Variants in HIVEP1 observed in about 807,000 individuals in gnomAD.
The protein encoded by HIVEP1 is HIVEP zinc finger 1.
A neutral mutation model predicts 180.0 loss-of-function variants in HIVEP1; 36 were observed. The observed-to-expected ratio is 0.20, with a 90% CI of 0.15 to 0.26. The LOEUF (loss-of-function observed/expected upper bound fraction) is 0.26. Ranked by LOEUF, HIVEP1 falls within the 10% of genes least tolerant of loss-of-function variation. The probability of loss-of-function intolerance (pLI) is 1.00; values close to 1 mark genes in which losing one functional copy is unlikely to be tolerated. For missense variants in HIVEP1, 3,143 were observed against 3,268.7 expected, an observed-to-expected ratio of 0.96 and a Z score of 0.94; for synonymous variants, 1,239 against 1,239.0, an observed-to-expected ratio of 1.00 and a Z score of 0.00.
intron 2 of HIVEP1, among the ~76,000 whole-genome samples, chr6:12,088,119 C>T (rs1581658127): frequency 6.6e-6 from 1 of 152,076 alleles, no homozygotes; most frequent in Non-Finnish European, 1.5e-5. Context: ...GCAGGTAGAT[C>T]AGAGTTTGAA....
chr6:12,181,820 C>T, the HIVEP1 span, among the ~76,000 whole-genome samples: 7 of 152,144 alleles, frequency 4.6e-5, no homozygotes, highest in Non-Finnish European at 8.8e-5. Context: ...GTTCTTCTTA[C>T]ATCATAAAAC....
At chr6:12,061,612 G>T (rs1276262940) in intron 2 of HIVEP1, among the ~76,000 whole-genome samples, 81 of 152,234 alleles carry the variant, frequency 5.3e-4, no homozygotes, top group African/African-American at 1.9e-3. Context: ...TGAGAATTTT[G>T]ATCATTGTTA....
chr6:12,127,462 T>C (rs1758157146), intron 4 of HIVEP1, among the ~76,000 whole-genome samples: 1 of 152,222 alleles, frequency 6.6e-6, no homozygotes, highest in Non-Finnish European at 1.5e-5. Context: ...CTGAAGTGTT[T>C]GTGGAGAAGA....
chr6:12,148,847 G>A (rs1237424105), intron 7 of HIVEP1, among the ~76,000 whole-genome samples: 1 of 152,130 alleles, frequency 6.6e-6, no homozygotes, highest in Non-Finnish European at 1.5e-5. Context: ...TATGAAAACT[G>A]AAAATCCAAA....
At chr6:12,180,089 A>T in the HIVEP1 span, among the ~76,000 whole-genome samples, 24 of 151,166 alleles carry the variant, frequency 1.6e-4, no homozygotes, top group African/African-American at 5.8e-4. Context: ...ACTGTGTGCT[A>T]GGTATCCTGC....
At chr6:12,171,859 T>C in the HIVEP1 span, among the ~76,000 whole-genome samples, 28 of 152,302 alleles carry the variant, frequency 1.8e-4, no homozygotes, top group Non-Finnish European at 1.9e-4. Flanking sequence ...TTAAACATTC[T>C]AGTATGATTC....
In HIVEP1 at chr6:12,121,196, A is replaced by C; in HGVS notation, c.1401A>C (p.Gln467His). The C allele has an allele frequency of 6.2e-7, 1 of 1,614,134 alleles. No individual in the cohort carries two copies. Among genetic ancestry groups the C allele is most frequent in the Non-Finnish European group, 8.5e-7 (1 of 1,180,020 alleles). Residue 467 changes from glutamine to histidine, a missense_variant, in exon 4 of 9, where the codon CAA (glutamine) becomes CAC (histidine). Physicochemically the swap from Gln to His is conservative, Grantham distance 24. This residue lies in a region of HIVEP1 where 365 missense variants were observed against 344.4 expected (regional missense o/e 1.06). Transcript: ENST00000379388. This position sits in a 1 kb window ranked among gnomAD's most constrained non-coding sequence, Gnocchi z 5.3. ...AHTIKLGLVLQPDAGGLFLSH... is the reference protein window; with the variant it reads ...AHTIKLGLVLHPDAGGLFLSH... The stretch of plus-strand genomic sequence containing the variant: ...CTATCAAACTGGGTCTTGTCTTGCA[A>C]CCAGATGCTGGTGGCTTGTTCTTGT...
rs748946958 is a variant in HIVEP1 at position 12,163,774 on chromosome 6, G to T, written c.7470G>T (p.Ser2490=). The T allele has an allele frequency of 6.2e-7, 1 of 1,614,064 alleles. No individual in the cohort carries two copies. Among genetic ancestry groups the T allele is most frequent in the Non-Finnish European group, 8.5e-7 (1 of 1,180,026 alleles). Residue 2490 remains serine, a synonymous_variant, in exon 9 of 9, where the codon TCG becomes TCT. Transcript: ENST00000379388. ...CCCCAGGCTTGCAGTCACTCCCCTC[G>T]TTAAGCATGGAAACCGTCAATATTG... The part of the protein sequence containing the change: ...LSTPGLQSLP[S]LSMETVNIVG...
intron 3 of HIVEP1, among the ~76,000 whole-genome samples, chr6:12,105,857 A>ATTATTGAAC (rs1339474428): frequency 6.6e-6 from 1 of 151,946 alleles, no homozygotes. Context: ...CTTACATTGA[A>ATTATTGAAC]TTATTGAACT....
intron 2 of HIVEP1, among the ~76,000 whole-genome samples, chr6:12,027,297 A>C (rs925796136): frequency 6.6e-6 from 1 of 152,192 alleles, no homozygotes; most frequent in African/African-American, 2.4e-5. Flanking sequence ...TGCTTTAGTT[A>C]GTATGTGAGG....
At chr6:12,055,393 A>C (rs1328980072) in intron 2 of HIVEP1, among the ~76,000 whole-genome samples, 1 of 152,194 alleles carries the variant, frequency 6.6e-6, no homozygotes, top group Non-Finnish European at 1.5e-5. Context: ...GAACCCCTTG[A>C]ACTAGGAAGT....
At chr6:12,051,023 T>TATAG (rs1340259330) in intron 2 of HIVEP1, among the ~76,000 whole-genome samples, 1 of 140,950 alleles carries the variant, frequency 7.1e-6, no homozygotes, top group Non-Finnish European at 1.5e-5. Flanking sequence ...TATATATATA[T>TATAG]ATATATATGT....
chr6:12,166,646 A>G (rs545980007), downstream of HIVEP1, among the ~76,000 whole-genome samples: 2 of 152,302 alleles, frequency 1.3e-5, no homozygotes, highest in South Asian at 4.1e-4. Flanking sequence ...ATTTTGTGCT[A>G]TTTCTCCGAA....
intron 7 of HIVEP1, among the ~76,000 whole-genome samples, chr6:12,160,772 G>C (rs1760347469): frequency 6.6e-6 from 1 of 152,228 alleles, no homozygotes; most frequent in African/African-American, 2.4e-5. Context: ...ATAGTGTCCA[G>C]TGCCACATTA....
intron 7 of HIVEP1, among the ~76,000 whole-genome samples, chr6:12,146,842 C>T (rs1455250313): frequency 1.3e-5 from 2 of 151,962 alleles, no homozygotes; most frequent in Admixed American, 6.6e-5. Context: ...CCCAGGAGCT[C>T]CTGGCTGATT....
intron 2 of HIVEP1, among the ~76,000 whole-genome samples, chr6:12,030,133 CTG>C (rs1442944454): frequency 6.6e-6 from 1 of 152,150 alleles, no homozygotes; most frequent in Non-Finnish European, 1.5e-5. Flanking sequence ...TCTCTGGCCT[CTG>C]TTACTTCTGA....
chr6:12,025,680 A>G (rs1327392938), intron 2 of HIVEP1, among the ~76,000 whole-genome samples: 1 of 152,236 alleles, frequency 6.6e-6, no homozygotes, highest in East Asian at 1.9e-4. Context: ...GTACAGTAGG[A>G]TATGGAAAAA....
In HIVEP1 at chr6:12,161,810, G is replaced by A. The variant is rs747662071; in HGVS notation, c.6859G>A (p.Asp2287Asn). 7 of 1,614,104 alleles carry A rather than the reference G, an allele frequency of 4.3e-6. No individual in the cohort carries two copies. The highest frequency in any genetic ancestry group is 2.2e-5 in the East Asian group (1 of 44,874). ...ARQRAARDEN[D>N]TIPSVDTSRS... ...GCAGCGTGCTGCGAGAGATGAAAAC[G>A]ACACAATTCCGTCTGTAGACACTTC... is the stretch of plus-strand genomic sequence containing the variant. The change falls in exon 8 of 9, where the codon GAC (aspartate) becomes AAC (asparagine). Residue 2287 changes from aspartate to asparagine, a missense_variant. Asp to Asn is a conservative substitution (Grantham distance 23). This residue lies in a region of HIVEP1 where 595 missense variants were observed against 602.2 expected (regional missense o/e 0.99). Coordinates refer to ENST00000379388, the MANE Select transcript of HIVEP1 (RefSeq NM_002114.4).
chr6:12,138,902 C>T (rs778441723), intron 7 of HIVEP1, among the ~76,000 whole-genome samples: 10 of 151,826 alleles, frequency 6.6e-5, no homozygotes, highest in Non-Finnish European at 1.3e-4. Context: ...ATCTTTCTCA[C>T]GTGTTGCCTC....
Sources: gnomAD v4.1 joint callset for allele counts (sites outside exome capture counted in the v4.1 genomes callset) on GRCh38, gnomAD v4.1.1 for gene constraint, gnomAD v4.1.1 regional missense constraint, Gnocchi (gnomAD v3.1) non-coding constraint, MANE v1.5 for transcripts, NCBI Gene and HGNC (gene_info 2026-07-23, HGNC 2026-07-21) for gene names.